The following RNF180 variants were observed in gnomAD, a reference collection of about 807,000 sequenced individuals.
RNF180 encodes the protein ring finger protein 180.
In RNF180, 38 loss-of-function variants were observed where a neutral mutation model predicts 59.2. That is an observed-to-expected ratio of 0.64 (90% CI 0.50 to 0.84). RNF180 has a LOEUF of 0.84. RNF180 is among the 40% of genes least tolerant of loss of function. The pLI is 0.00. For synonymous variants in RNF180, 262 were observed against 240.3 expected (o/e 1.09, Z -0.84); for missense variants, 705 against 700.9 (o/e 1.01, Z -0.07).
At chr5:64,169,420 A>G (rs1749820796) in intron 1 of RNF180, among the ~76,000 whole-genome samples, 1 of 152,170 alleles carries the variant, frequency 6.6e-6, no homozygotes, top group Non-Finnish European at 1.5e-5. Flanking sequence ...TTATCATATC[A>G]GCTGGAGAGA....
chr5:64,289,802 T>C (rs1742477438), intron 5 of RNF180, among the ~76,000 whole-genome samples: 1 of 152,132 alleles, frequency 6.6e-6, no homozygotes, highest in South Asian at 2.1e-4. Flanking sequence ...TTAGTGTAGC[T>C]AGTGGTCTAT....
chr5:64,205,896 A>T (rs190438607), intron 2 of RNF180, among the ~76,000 whole-genome samples: 3 of 152,310 alleles, frequency 2.0e-5, no homozygotes, highest in Admixed American at 1.3e-4. Flanking sequence ...AGCTCCACAA[A>T]GGAGAAGAAA....
chr5:64,271,331 A>G (rs1317897094), intron 5 of RNF180, among the ~76,000 whole-genome samples: 1 of 152,102 alleles, frequency 6.6e-6, no homozygotes, highest in Non-Finnish European at 1.5e-5. Context: ...TTTAATTAAT[A>G]CATGTTGTCA....
intron 5 of RNF180, among the ~76,000 whole-genome samples, chr5:64,221,358 G>A (rs990403323): frequency 6.6e-6 from 1 of 152,004 alleles, no homozygotes; most frequent in Non-Finnish European, 1.5e-5. Context: ...TAGTCGTTTA[G>A]TAAAGAAGAC....
At chr5:64,199,490 T>C (rs1751622730) in intron 1 of RNF180, among the ~76,000 whole-genome samples, 1 of 152,222 alleles carries the variant, frequency 6.6e-6, no homozygotes, top group Non-Finnish European at 1.5e-5. Context: ...TAGGCATCAC[T>C]GTTCTTTTAA....
At chr5:64,186,556 G>A (rs998246666) in intron 1 of RNF180, among the ~76,000 whole-genome samples, 14 of 152,020 alleles carry the variant, frequency 9.2e-5, no homozygotes, top group Non-Finnish European at 1.5e-4. Flanking sequence ...TTCATAGCAC[G>A]TGTCTTTGTT....
intron 2 of RNF180, among the ~76,000 whole-genome samples, chr5:64,208,600 G>T (rs1318430786): frequency 6.6e-6 from 1 of 151,968 alleles, no homozygotes; most frequent in African/African-American, 2.4e-5. Context: ...AAATAAAAAT[G>T]TATTTTTTCT....
intron 5 of RNF180, among the ~76,000 whole-genome samples, chr5:64,315,552 A>G (rs1743993318): frequency 6.6e-6 from 1 of 151,874 alleles, no homozygotes; most frequent in Non-Finnish European, 1.5e-5. Flanking sequence ...TGAGACCAGC[A>G]TGACCAACAT....
chr5:64,258,256 C>A (rs1276199384), intron 5 of RNF180, among the ~76,000 whole-genome samples: 1 of 151,988 alleles, frequency 6.6e-6, no homozygotes, highest in Non-Finnish European at 1.5e-5. Flanking sequence ...AACTAAAAGA[C>A]CATTTTGTGC....
chr5:64,167,487 G>GA (rs1459178428), intron 1 of RNF180, among the ~76,000 whole-genome samples: 2 of 151,822 alleles, frequency 1.3e-5, no homozygotes, highest in African/African-American at 2.4e-5. Context: ...AAATAATATT[G>GA]AAAAAATCAA....
At chr5:64,219,750 A>G (rs1417211119) in intron 5 of RNF180, among the ~76,000 whole-genome samples, 1 of 151,542 alleles carries the variant, frequency 6.6e-6, no homozygotes, top group Non-Finnish European at 1.5e-5. Context: ...CTATCTCCTG[A>G]CCTCATGATC....
chr5:64,190,468 T>C (rs1265921020), intron 1 of RNF180, among the ~76,000 whole-genome samples: 2 of 152,184 alleles, frequency 1.3e-5, no homozygotes, highest in Non-Finnish European at 2.9e-5. Context: ...ACTTTGGATT[T>C]GGAGTTGATG....
At chr5:64,244,692 C>A (rs1447573661) in intron 5 of RNF180, among the ~76,000 whole-genome samples, 1 of 152,118 alleles carries the variant, frequency 6.6e-6, no homozygotes, top group Non-Finnish European at 1.5e-5. Context: ...AGAACTTCCC[C>A]AACCTAGCAA....
intron 7 of RNF180, among the ~76,000 whole-genome samples, chr5:64,363,756 T>G (rs567610273): frequency 6.6e-6 from 1 of 152,096 alleles, no homozygotes; most frequent in South Asian, 2.1e-4. Flanking sequence ...TCATCCCTGA[T>G]TTCTTTGAGC....
chr5:64,270,290 G>T (rs1741317936), intron 5 of RNF180, among the ~76,000 whole-genome samples: 1 of 152,076 alleles, frequency 6.6e-6, no homozygotes, highest in Middle Eastern at 3.2e-3. Context: ...AAAGCTGTGT[G>T]GTCTATATCC....
At chr5:64,179,182 G>A (rs1433700541) in intron 1 of RNF180, among the ~76,000 whole-genome samples, 1 of 151,932 alleles carries the variant, frequency 6.6e-6, no homozygotes, top group African/African-American at 2.4e-5. Flanking sequence ...GAAAATATGT[G>A]GTTTGCAGAT....
chr5:64,217,107 A>G (rs976673818), intron 4 of RNF180, among the ~76,000 whole-genome samples: 1 of 152,212 alleles, frequency 6.6e-6, no homozygotes, highest in Non-Finnish European at 1.5e-5. Context: ...ATAGAATCCT[A>G]TAGTATACAA....
chr5:64,246,448 A>T (rs973403460), intron 5 of RNF180, among the ~76,000 whole-genome samples: 3 of 152,218 alleles, frequency 2.0e-5, no homozygotes, highest in African/African-American at 7.2e-5. Flanking sequence ...GATCCCACAG[A>T]AATACAAACT....
At chr5:64,182,545 T>C (rs950809811) in intron 1 of RNF180, among the ~76,000 whole-genome samples, 1 of 152,226 alleles carries the variant, frequency 6.6e-6, no homozygotes, top group Non-Finnish European at 1.5e-5. Context: ...TGGGACAGCT[T>C]GGCTGTTTTA....
Sources: gnomAD v4.1 joint callset for allele counts (sites outside exome capture counted in the v4.1 genomes callset) on GRCh38, gnomAD v4.1.1 for gene constraint, MANE v1.5 for transcripts, NCBI Gene and HGNC (gene_info 2026-07-23, HGNC 2026-07-21) for gene names.